Variants in ATRNL1 observed in about 807,000 individuals in gnomAD.
The protein encoded by ATRNL1 is attractin like 1.
ATRNL1 carries 95 observed loss-of-function variants against 182.7 expected under a neutral mutation model. That is an observed-to-expected ratio of 0.52 (90% CI 0.44 to 0.62). The LOEUF is 0.62. Among genes scored for constraint, ATRNL1 ranks in the 20% least tolerant of loss-of-function variants. The pLI, the probability that ATRNL1 is intolerant of heterozygous loss-of-function variation, is 0.00. For missense variants in ATRNL1, 1,471 were observed against 1,679.5 expected (o/e 0.88, Z 2.17); for synonymous variants, 576 against 568.3 (o/e 1.01, Z -0.19).
chr10:115,531,467 A>G (rs1182327204), intron 25 of ATRNL1, among the ~76,000 whole-genome samples: 1 of 151,720 alleles, frequency 6.6e-6, no homozygotes, highest in Admixed American at 6.6e-5. Flanking sequence ...CCACTTTTTG[A>G]TGGGGTTGTT....
intron 19 of ATRNL1, among the ~76,000 whole-genome samples, chr10:115,356,680 C>G (rs1856518475): frequency 6.6e-6 from 1 of 151,896 alleles, no homozygotes; most frequent in Non-Finnish European, 1.5e-5. Flanking sequence ...ATCAAACCTA[C>G]TCCCTTCCTC....
rs1850806000 is a variant in ATRNL1, at chr10:115,519,425, T to C, written c.3716+101T>C. The C allele has an allele frequency of 3.3e-6, 3 of 914,106 alleles. No homozygotes were observed. The South Asian group carries it at 4.4e-5, about 13-fold the overall frequency. 56.6% of individuals were successfully genotyped at this position (914,106 alleles called of 1,614,324 possible). On this transcript the variant is annotated intron_variant, in intron 25 of 28. Transcript: ENST00000355044. ...ATCGACCAATTCTAAAACCTTAAAGTATCATAGAGTATGTCTTGAATAGCT... is the reference window on the plus strand; with the variant it reads ...ATCGACCAATTCTAAAACCTTAAAGCATCATAGAGTATGTCTTGAATAGCT...
intron 26 of ATRNL1, among the ~76,000 whole-genome samples, chr10:115,713,461 G>GTGTGTGTTTTTGTGTATA (rs71010041): frequency 1.9e-4 from 27 of 145,940 alleles, no homozygotes; most frequent in Non-Finnish European, 2.8e-4. Context: ...GTGTGTGTGT[G>GTGTGTGTTTTTGTGTATA]TGTGTTTGTG....
intron 5 of ATRNL1, among the ~76,000 whole-genome samples, chr10:115,149,452 C>T (rs1302851316): frequency 1.3e-5 from 2 of 152,026 alleles, no homozygotes; most frequent in African/African-American, 4.8e-5. Context: ...ACTCCTGTAA[C>T]AGTATGATAT....
chr10:115,832,045 C>T (rs2134314052), intron 27 of ATRNL1, among the ~76,000 whole-genome samples: 1 of 152,160 alleles, frequency 6.6e-6, no homozygotes, highest in East Asian at 1.9e-4. Flanking sequence ...TCCTAACTTC[C>T]CTTTTATGAG....
intron 28 of ATRNL1, among the ~76,000 whole-genome samples, chr10:115,875,792 C>T (rs1347796044): frequency 1.3e-5 from 2 of 152,060 alleles, no homozygotes; most frequent in Non-Finnish European, 2.9e-5. Context: ...CAAATACATA[C>T]TTAGTTACAA....
At chr10:115,821,040 A>T (rs147128209) in intron 27 of ATRNL1, among the ~76,000 whole-genome samples, 16 of 152,066 alleles carry the variant, frequency 1.1e-4, no homozygotes, top group African/African-American at 3.9e-4. Context: ...GCCTGCTGCC[A>T]TGTAATACAT....
At chr10:115,099,272 A>G (rs939966433) in intron 1 of ATRNL1, among the ~76,000 whole-genome samples, 8 of 152,228 alleles carry the variant, frequency 5.3e-5, no homozygotes, top group Non-Finnish European at 1.0e-4. Flanking sequence ...AGTTTATTCT[A>G]CTGCCGAATA....
chr10:115,758,877 G>A (rs1395801649), intron 27 of ATRNL1, among the ~76,000 whole-genome samples: 4 of 152,210 alleles, frequency 2.6e-5, no homozygotes, highest in African/African-American at 9.6e-5. Context: ...TCTTATGGGT[G>A]TACATAAATG....
intron 20 of ATRNL1, among the ~76,000 whole-genome samples, chr10:115,403,787 G>GT (rs1844695558): frequency 6.6e-6 from 1 of 152,142 alleles, no homozygotes; most frequent in South Asian, 2.1e-4. Flanking sequence ...TTTCTAGGTT[G>GT]TTTTGTTGCT....
In ATRNL1 at chr10:115,864,943, T is replaced by C. The variant is rs953961535; in HGVS notation, c.4018+16952T>C. On this transcript the variant is annotated intron_variant, in intron 28 of 28. Transcript: ENST00000355044. Reference sequence around the variant, plus strand: ...CTTGCAGTGAGCCGAGATGGTGCCATTGCACTCCAGCCTGGGCGACAGAGC... The same window carrying C: ...CTTGCAGTGAGCCGAGATGGTGCCACTGCACTCCAGCCTGGGCGACAGAGC... Among the ~76,000 whole-genome samples, 9 of 149,980 alleles carry C rather than the reference T, an allele frequency of 6.0e-5. No homozygotes were observed. The East Asian group carries it at 1.6e-3, about 26-fold the overall frequency.
chr10:115,121,267 C>T (rs1321438621), intron 2 of ATRNL1, among the ~76,000 whole-genome samples: 17 of 152,144 alleles, frequency 1.1e-4, no homozygotes, highest in Admixed American at 1.1e-3. Context: ...TGCATGCCGC[C>T]ATGCGCAGCT....
rs142012604 is a variant in ATRNL1 at position 115,331,099 on chromosome 10, G to C, written c.3038-3183G>C. ...TTTTGAGACGGAGTCTTGCTCTGTT[G>C]CCTAGGCTGGAGTGCAGTGGTGCAA... On this transcript the variant is annotated intron_variant, in intron 18 of 28. Coordinates refer to ENST00000355044, the MANE Select transcript of ATRNL1 (RefSeq NM_207303.4). Among the ~76,000 whole-genome samples, 942 of 150,544 alleles carry C rather than the reference G, an allele frequency of 6.3e-3. 14 individuals are homozygous for C. The highest frequency in any genetic ancestry group is 0.022 in the African/African-American group (917 of 40,940).
intron 17 of ATRNL1, among the ~76,000 whole-genome samples, chr10:115,304,666 T>A (rs1188868885): frequency 7.9e-5 from 12 of 152,138 alleles, no homozygotes; most frequent in African/African-American, 2.9e-4. Flanking sequence ...TTGACCAGGC[T>A]TTCATTCAGG....
intron 26 of ATRNL1, among the ~76,000 whole-genome samples, chr10:115,609,640 GC>G (rs1857052132): frequency 6.6e-6 from 1 of 151,910 alleles, no homozygotes; most frequent in Non-Finnish European, 1.5e-5. Context: ...TATTTTGCCT[GC>G]TTTCTCCTAT....
At chr10:115,222,616 A>G (rs1849512115) in intron 9 of ATRNL1, among the ~76,000 whole-genome samples, 1 of 152,224 alleles carries the variant, frequency 6.6e-6, no homozygotes, top group South Asian at 2.1e-4. Context: ...TTAATTTTTT[A>G]ACTGAGGAAA....
intron 1 of ATRNL1, among the ~76,000 whole-genome samples, chr10:115,103,570 C>G (rs1420018959): frequency 2.0e-5 from 3 of 151,972 alleles, no homozygotes; most frequent in African/African-American, 7.3e-5. Context: ...TATACAATGC[C>G]TAATAACCAC....
intron 28 of ATRNL1, among the ~76,000 whole-genome samples, chr10:115,936,394 C>T (rs2134607915): frequency 6.6e-6 from 1 of 152,202 alleles, no homozygotes; most frequent in South Asian, 2.1e-4. Flanking sequence ...CTGCTAAATC[C>T]TTGGGGACTA....
chr10:115,431,298 G>A (rs371959189), intron 21 of ATRNL1, among the ~76,000 whole-genome samples: 40 of 151,970 alleles, frequency 2.6e-4, no homozygotes, highest in African/African-American at 8.4e-4. Flanking sequence ...CCAGCTATGT[G>A]GGAGGCTGAG....
Sources: allele counts gnomAD v4.1 joint callset (sites outside exome capture counted in the v4.1 genomes callset), GRCh38; gene constraint gnomAD v4.1.1; transcripts MANE v1.5; gene names NCBI Gene and HGNC (gene_info 2026-07-23, HGNC 2026-07-21).